Variants in CHCHD6 observed in about 807,000 individuals in gnomAD.
CHCHD6 encodes coiled-coil-helix-coiled-coil-helix domain containing 6.
A neutral mutation model predicts 32.3 loss-of-function variants in CHCHD6; 28 were observed. The ratio of observed to expected loss-of-function variants is 0.87; its 90% CI spans 0.64 to 1.19. The LOEUF (loss-of-function observed/expected upper bound fraction) is 1.19, where lower values mean the gene tolerates loss of function less well. CHCHD6 is among the 50% of genes most tolerant of loss of function. The pLI is 0.00. For synonymous variants in CHCHD6, 122 were observed against 117.5 expected, an observed-to-expected ratio of 1.04 and a Z score of -0.25; for missense variants, 333 against 307.0, an observed-to-expected ratio of 1.08 and a Z score of -0.63.
intron 5 of CHCHD6, among the ~76,000 whole-genome samples, chr3:126,887,854 C>T (rs531159125): frequency 1.3e-5 from 2 of 152,366 alleles, no homozygotes; most frequent in Non-Finnish European, 2.9e-5. Flanking sequence ...GGACACAGAA[C>T]ATCTGGAGCC....
intron 5 of CHCHD6, among the ~76,000 whole-genome samples, chr3:126,884,491 A>G (rs1217714399): frequency 6.6e-6 from 1 of 152,222 alleles, no homozygotes; most frequent in Non-Finnish European, 1.5e-5. Context: ...AAAATTGGAA[A>G]TTGGAATTCA....
At chr3:126,738,776 G>A (rs1936166620) in intron 4 of CHCHD6, among the ~76,000 whole-genome samples, 1 of 152,172 alleles carries the variant, frequency 6.6e-6, no homozygotes, top group African/African-American at 2.4e-5. Context: ...TCAAAGGTCT[G>A]ACCCTTTTCA....
At chr3:126,809,235 A>G (rs1939551209) in intron 4 of CHCHD6, among the ~76,000 whole-genome samples, 1 of 152,108 alleles carries the variant, frequency 6.6e-6, no homozygotes, top group South Asian at 2.1e-4. Context: ...TGGCCTCCCA[A>G]AGTGCTAGCA....
At chr3:126,801,216 C>T (rs1025725450) in intron 4 of CHCHD6, among the ~76,000 whole-genome samples, 1 of 152,226 alleles carries the variant, frequency 6.6e-6, no homozygotes, top group Non-Finnish European at 1.5e-5. Context: ...GGGCGCAGGA[C>T]AGGCGGTGCA....
At chr3:126,717,653 C>A (rs1935082434) in intron 1 of CHCHD6, among the ~76,000 whole-genome samples, 1 of 152,180 alleles carries the variant, frequency 6.6e-6, no homozygotes, top group Admixed American at 6.5e-5. Flanking sequence ...CCTCTAAGTT[C>A]ACAGTTGCTT....
chr3:126,738,744 C>A (rs1226655413), intron 4 of CHCHD6, among the ~76,000 whole-genome samples: 1 of 152,156 alleles, frequency 6.6e-6, no homozygotes, highest in African/African-American at 2.4e-5. Context: ...CCATCACAGC[C>A]TTCTATAGAA....
intron 4 of CHCHD6, among the ~76,000 whole-genome samples, chr3:126,763,393 C>T (rs1026134340): frequency 2.0e-5 from 3 of 150,494 alleles, no homozygotes; most frequent in African/African-American, 7.3e-5. Context: ...GTGGCATGAT[C>T]ATAGCTCACT....
intron 6 of CHCHD6, among the ~76,000 whole-genome samples, chr3:126,942,691 T>C (rs900602168): frequency 6.6e-6 from 1 of 152,174 alleles, no homozygotes; most frequent in African/African-American, 2.4e-5. Context: ...AGTCAGCCGT[T>C]TCTCCCAGGA....
At chr3:126,944,674 C>T (rs964508886) in intron 6 of CHCHD6, among the ~76,000 whole-genome samples, 1 of 152,188 alleles carries the variant, frequency 6.6e-6, no homozygotes, top group African/African-American at 2.4e-5. Context: ...CCACATAGGA[C>T]TACACAGACG....
intron 5 of CHCHD6, among the ~76,000 whole-genome samples, chr3:126,901,197 C>CT (rs1339754290): frequency 6.6e-6 from 1 of 152,224 alleles, no homozygotes; most frequent in Non-Finnish European, 1.5e-5. Flanking sequence ...AACTTACTGA[C>CT]TGAGAAATGT....
chr3:126,816,122 C>A (rs1290109264), intron 4 of CHCHD6, among the ~76,000 whole-genome samples: 1 of 152,144 alleles, frequency 6.6e-6, no homozygotes, highest in Admixed American at 6.5e-5. Context: ...TCTTCCTCCT[C>A]CTTCCTTCTA....
intron 6 of CHCHD6, among the ~76,000 whole-genome samples, chr3:126,947,278 A>G (rs1257625426): frequency 6.6e-6 from 1 of 152,210 alleles, no homozygotes; most frequent in African/African-American, 2.4e-5. Context: ...GCAGGCTGCC[A>G]TGAGTTCATG....
Position 126,906,584 on chromosome 3 carries a change from A to G in CHCHD6, c.496-8096A>G, listed in dbSNP as rs369654755. On this transcript the variant is annotated intron_variant, in intron 5 of 7. Transcript: ENST00000290913. ...GTCTTGACTTACTTTTCTCGTTCACATGATTCGGACTTCTGCCCAGTGTCA... is the reference window on the plus strand; with the variant it reads ...GTCTTGACTTACTTTTCTCGTTCACGTGATTCGGACTTCTGCCCAGTGTCA... Among the ~76,000 whole-genome samples the G allele has an allele frequency of 2.0e-4, 30 of 152,324 alleles. No individual in the cohort carries two copies. The East Asian group carries it at 2.5e-3, about 13-fold the overall frequency.
chr3:126,938,746 A>G (rs1048106578), intron 6 of CHCHD6, among the ~76,000 whole-genome samples: 2 of 152,126 alleles, frequency 1.3e-5, no homozygotes, highest in Non-Finnish European at 2.9e-5. Context: ...GTGGCCCTGT[A>G]GGCTCCCTCA....
intron 5 of CHCHD6, among the ~76,000 whole-genome samples, chr3:126,862,458 C>T (rs1280109421): frequency 5.7e-5 from 8 of 140,614 alleles, no homozygotes; most frequent in South Asian, 2.5e-4. Flanking sequence ...CCACCTCCTC[C>T]TCCACCATCA....
intron 5 of CHCHD6, among the ~76,000 whole-genome samples, chr3:126,869,655 T>G (rs2077439571): frequency 6.6e-6 from 1 of 152,228 alleles, no homozygotes; most frequent in Non-Finnish European, 1.5e-5. Context: ...TTAGGACTTC[T>G]TTATATAATA....
chr3:126,767,261 G>T, intron 4 of CHCHD6: 1 of 1,392,876 alleles, frequency 7.2e-7, no homozygotes, highest in Non-Finnish European at 1.0e-6. Context: ...GATAGTGTCT[G>T]TCAGGTTGCC....
At chr3:126,778,373 C>T (rs947912207) in intron 4 of CHCHD6, among the ~76,000 whole-genome samples, 1 of 152,184 alleles carries the variant, frequency 6.6e-6, no homozygotes, top group African/African-American at 2.4e-5. Context: ...CTGCCAGCAC[C>T]ATTTTACATT....
intron 4 of CHCHD6, among the ~76,000 whole-genome samples, chr3:126,771,333 TAGCTGGGACTACAGGC>T (rs1937539237): frequency 6.6e-6 from 1 of 151,802 alleles, no homozygotes; most frequent in African/African-American, 2.4e-5. Flanking sequence ...GCCTCCTGAG[TAGCTGGGACTACAGGC>T]ATGTACCACC....
Sources: allele counts gnomAD v4.1 joint callset (sites outside exome capture counted in the v4.1 genomes callset), GRCh38; gene constraint gnomAD v4.1.1; transcripts MANE v1.5; gene names NCBI Gene and HGNC (gene_info 2026-07-23, HGNC 2026-07-21).